IL19: variants seen among roughly 807,000 people sequenced by gnomAD.
IL19 encodes interleukin 19.
A neutral mutation model predicts 19.5 loss-of-function variants in IL19; 15 were observed. That is an observed-to-expected ratio of 0.77 (90% CI 0.52 to 1.19). The LOEUF is 1.19. Among genes scored for constraint, IL19 ranks in the 50% most tolerant of loss-of-function variants. The pLI is 0.00. For missense variants in IL19, 199 were observed against 213.1 expected (o/e 0.93, Z 0.41); for synonymous variants, 78 against 78.3 (o/e 1.00, Z 0.02).
At chr1:206,788,499 G>A (rs1428618717) in intron 1 of IL19, among the ~76,000 whole-genome samples, 1 of 149,982 alleles carries the variant, frequency 6.7e-6, no homozygotes, top group Admixed American at 6.8e-5. Flanking sequence ...TCCATGCAGA[G>A]ACAAATAATG....
chr1:206,782,279 A>G (rs1675165600), intron 1 of IL19, among the ~76,000 whole-genome samples: 1 of 152,080 alleles, frequency 6.6e-6, no homozygotes, highest in Admixed American at 6.5e-5. Flanking sequence ...CTCTGGCTTG[A>G]TAGAAGCAGG....
chr1:206,842,810 A>T lies in IL19; in HGVS notation c.*188A>T, dbSNP rs1572579601. 1.9e-6 allele frequency: 1 copy of T among 515,284 alleles called. No homozygotes were observed. The highest frequency in any genetic ancestry group is 3.4e-5 in the Admixed American group (1 of 29,378). The allele number at this position is 515,284 out of a possible 1,614,324, so 31.9% of individuals were successfully genotyped here. A position where few individuals can be genotyped will look rare whatever the true frequency, so the allele number is the denominator to read the frequency against. ...AAGTCTACTGTGGTATTTGTAATAA[A>T]CTCTATCTGCTGAAAGGGCCTGCAG... On this transcript the variant is annotated 3_prime_UTR_variant, in exon 7 of 7. Transcript: ENST00000659997.
chr1:206,800,284 G>T (rs1675647757), intron 2 of IL19, among the ~76,000 whole-genome samples: 1 of 152,240 alleles, frequency 6.6e-6, no homozygotes, highest in Non-Finnish European at 1.5e-5. Context: ...TAGGCTTTCA[G>T]CTGGGTGCCA....
rs181541555 is a variant in IL19 at position 206,784,970 on chromosome 1, G to T, written c.-148-13891G>T. Among the ~76,000 whole-genome samples, 1,010 of 152,320 alleles carry T rather than the reference G, an allele frequency of 6.6e-3. 5 individuals carry two copies. Among genetic ancestry groups the T allele is most frequent in the Non-Finnish European group, 0.011 (751 of 68,032 alleles). On this transcript the variant is annotated intron_variant, in intron 1 of 6. Transcript: ENST00000659997. The stretch of plus-strand genomic sequence containing the variant: ...TGACCATGGGATCCTGGATTCCCGT[G>T]GCAGAGCACAGTGAGGCCAGTCTGG...
chr1:206,797,546 G>A (rs1675554796), intron 1 of IL19, among the ~76,000 whole-genome samples: 1 of 152,126 alleles, frequency 6.6e-6, no homozygotes, highest in African/African-American at 2.4e-5. Context: ...TTTGTATATT[G>A]GGAATGGGCA....
intron 1 of IL19, among the ~76,000 whole-genome samples, chr1:206,786,887 C>G (rs935166452): frequency 6.6e-6 from 1 of 152,042 alleles, no homozygotes; most frequent in Non-Finnish European, 1.5e-5. Context: ...AGCCCCCAAG[C>G]CACCGGAGAA....
chr1:206,806,713 G>A (rs1023898145), intron 2 of IL19, among the ~76,000 whole-genome samples: 4 of 152,104 alleles, frequency 2.6e-5, no homozygotes, highest in Non-Finnish European at 4.4e-5. Context: ...AATATATTAC[G>A]ATTTGGTCCC....
intron 1 of IL19, among the ~76,000 whole-genome samples, chr1:206,779,859 T>C (rs1003222387): frequency 1.2e-4 from 18 of 151,862 alleles, no homozygotes; most frequent in African/African-American, 4.3e-4. Flanking sequence ...TCTCTCTCTT[T>C]TTTTTTTTTT....
At chr1:206,807,545 A>G (rs551341196) in intron 2 of IL19, among the ~76,000 whole-genome samples, 1 of 152,042 alleles carries the variant, frequency 6.6e-6, no homozygotes, top group Non-Finnish European at 1.5e-5. Context: ...TTCTCATTAC[A>G]TCTCAGCTTA....
intron 1 of IL19, among the ~76,000 whole-genome samples, chr1:206,775,214 T>C (rs1674961422): frequency 6.6e-6 from 1 of 151,794 alleles, no homozygotes; most frequent in South Asian, 2.1e-4. Flanking sequence ...CTAAGTTTTT[T>C]TATTTTTTTT....
intron 2 of IL19, among the ~76,000 whole-genome samples, chr1:206,823,377 C>A (rs954681255): frequency 4.0e-5 from 6 of 151,744 alleles, no homozygotes; most frequent in Non-Finnish European, 8.8e-5. Context: ...CATGGTGAAA[C>A]CCCTTCTCTA....
In IL19 at chr1:206,816,247, G is replaced by A. The variant is rs375557895; in HGVS notation, c.-3+17241G>A. On this transcript the variant is annotated intron_variant, in intron 2 of 6. Coordinates refer to ENST00000659997, the MANE Select transcript of IL19 (RefSeq NM_153758.5). ...ATATGCAAAGAAATAAAGGGCACTG[G>A]AAATGGTACTACATGCGTAAATGTA... Among the ~76,000 whole-genome samples, 4 of 152,296 alleles carry A rather than the reference G, an allele frequency of 2.6e-5. No individual in the cohort carries two copies. The East Asian group carries it at 7.7e-4, about 29-fold the overall frequency.
At chr1:206,820,515 G>A (rs1177459524) in intron 2 of IL19, among the ~76,000 whole-genome samples, 1 of 152,214 alleles carries the variant, frequency 6.6e-6, no homozygotes, top group Non-Finnish European at 1.5e-5. Context: ...ATTGGCACCA[G>A]TGTTGATGCT....
chr1:206,782,445 G>A (rs979879318), intron 1 of IL19, among the ~76,000 whole-genome samples: 1 of 152,192 alleles, frequency 6.6e-6, no homozygotes, highest in Non-Finnish European at 1.5e-5. Flanking sequence ...CTCTGGGTGA[G>A]GACAAGTAGG....
chr1:206,827,478 C>G (rs1174236794), intron 2 of IL19, among the ~76,000 whole-genome samples: 1 of 152,086 alleles, frequency 6.6e-6, no homozygotes, highest in Non-Finnish European at 1.5e-5. Flanking sequence ...ATCACGAGGT[C>G]AGGAGATCGA....
chr1:206,842,380 T>G, intron 6 of IL19, 147 bp from the exon 7 acceptor site: 1 of 479,516 alleles, frequency 2.1e-6, no homozygotes, highest in Non-Finnish European at 3.7e-6. Context: ...AAAATAATAT[T>G]GAGTCTGTAT....
intron 2 of IL19, among the ~76,000 whole-genome samples, chr1:206,811,447 A>C (rs1005491063): frequency 3.5e-3 from 265 of 75,694 alleles, no homozygotes; most frequent in African/African-American, 0.015. Flanking sequence ...CCGTCTCAAA[A>C]AAAAAAAAAA....
chr1:206,775,186 G>A (rs1168050445), intron 1 of IL19, among the ~76,000 whole-genome samples: 4 of 151,820 alleles, frequency 2.6e-5, no homozygotes, highest in African/African-American at 7.3e-5. Flanking sequence ...GACTACAGGC[G>A]CCTGGCACCA....
At chr1:206,771,526 C>G (rs1247705928) in intron 1 of IL19, 1 of 886,810 alleles carries the variant, frequency 1.1e-6, no homozygotes, top group East Asian at 2.6e-5. Flanking sequence ...AAAATTGGCT[C>G]TGGCCCAAAA....
Sources: allele counts gnomAD v4.1 joint callset (sites outside exome capture counted in the v4.1 genomes callset), GRCh38; gene constraint gnomAD v4.1.1; transcripts MANE v1.5; gene names NCBI Gene and HGNC (gene_info 2026-07-23, HGNC 2026-07-21).